Variants in KIF5A observed in about 807,000 individuals in gnomAD.
KIF5A encodes the protein kinesin heavy chain isoform 5A.
Under a neutral mutation model 141.3 loss-of-function variants are expected in KIF5A, and 35 were observed. The observed-to-expected ratio is 0.25, with a 90% CI of 0.19 to 0.33. The LOEUF (loss-of-function observed/expected upper bound fraction) is 0.33. Among genes scored for constraint, KIF5A ranks in the 10% least tolerant of loss-of-function variants. The probability of loss-of-function intolerance (pLI) is 1.00; values close to 1 mark genes in which losing one functional copy is unlikely to be tolerated. For missense variants in KIF5A, 861 were observed against 1,314.3 expected (o/e 0.66, Z 5.33); for synonymous variants, 448 against 500.2 (o/e 0.90, Z 1.39).
At chr12:57,560,700 TA>T (rs1881881554) in intron 1 of KIF5A, among the ~76,000 whole-genome samples, 1 of 152,164 alleles carries the variant, frequency 6.6e-6, no homozygotes, top group African/African-American at 2.4e-5. Context: ...TTTTTGTTAC[TA>T]ATTTATGAGA....
rs770467123 is a variant in KIF5A, at chr12:57,578,096, G to C, written c.2433+16G>C. 5.0e-6 allele frequency: 8 copies of C among 1,611,434 alleles called. No homozygotes were observed. In the African/African-American group the frequency reaches 1.1e-4, roughly 21 times the overall value. Reference sequence around the variant, plus strand: ...AGTCAAGAAAGTGAGTGCTGTCCTTGGGGTTTTGTCAGCCCCCACATCCTC... The same window carrying C: ...AGTCAAGAAAGTGAGTGCTGTCCTTCGGGTTTTGTCAGCCCCCACATCCTC... On this transcript the variant is annotated intron_variant, in intron 22 of 28. Coordinates refer to ENST00000455537, the MANE Select transcript of KIF5A (RefSeq NM_004984.4).
At chr12:57,582,271 C>T (rs1166091379) in intron 26 of KIF5A, among the ~76,000 whole-genome samples, 1 of 152,072 alleles carries the variant, frequency 6.6e-6, no homozygotes, top group Non-Finnish European at 1.5e-5. Context: ...ATAATAATAA[C>T]ACATATGAAG....
chr12:57,575,167 T>C lies in KIF5A; in HGVS notation c.1800T>C (p.Ser600=), dbSNP rs1334797851. The stretch of plus-strand genomic sequence containing the variant: ...GCAAAATCAAATCAGAAGTCAAGTC[T>C]GTGGTCAAGCGGTGCCGGCAGCTGG... ...YISKIKSEVK[S]VVKRCRQLEN... is the part of the protein sequence containing the mutation. Residue 600 remains serine, a synonymous_variant, in exon 16 of 29, where the codon TCT becomes TCC. Transcript: ENST00000455537. 1 of 1,614,072 alleles carries C rather than the reference T, an allele frequency of 6.2e-7. No homozygotes were observed. Among genetic ancestry groups the C allele is most frequent in the Admixed American group, 1.7e-5 (1 of 60,004 alleles).
At position 57,572,028 on chromosome 12, in the gene KIF5A, A is replaced by T; in HGVS notation, c.1363-33A>T. 6.3e-7 allele frequency: 1 copy of T among 1,583,980 alleles called. No homozygotes were observed. Among genetic ancestry groups the T allele is most frequent in the Non-Finnish European group, 8.7e-7 (1 of 1,155,922 alleles). On this transcript the variant is annotated intron_variant, in intron 13 of 28. Transcript: ENST00000455537. This position sits in a 1 kb window ranked among gnomAD's most constrained non-coding sequence, Gnocchi z 4.2. ...GCCATAGAAATGGTCACTGGCAGTG[A>T]TCTTTCCCACATGCCACTCCTCTCC...
intron 23 of KIF5A, 79 bp from the exon 24 acceptor site, chr12:57,580,877 T>C: frequency 7.7e-7 from 1 of 1,295,954 alleles, no homozygotes; most frequent in Non-Finnish European, 1.1e-6. Flanking sequence ...TCCTCACCCC[T>C]GTCCCCTACG....
intron 1 of KIF5A, among the ~76,000 whole-genome samples, chr12:57,558,614 C>T (rs1330690210): frequency 2.0e-5 from 3 of 152,192 alleles, no homozygotes; most frequent in African/African-American, 4.8e-5. Context: ...GCAGAGGTTG[C>T]GGTGAGCTGA....
chr12:57,570,959 AT>A (rs58715013), intron 12 of KIF5A, among the ~76,000 whole-genome samples: 10,455 of 129,266 alleles, frequency 0.081, 482 homozygotes, highest in Non-Finnish European at 0.12. Flanking sequence ...CGCCCAGCTA[AT>A]TTTTTTTTTT....
At chr12:57,567,454 G>T in intron 7 of KIF5A, 40 bp from the exon 8 acceptor site, 1 of 1,610,696 alleles carries the variant, frequency 6.2e-7, no homozygotes, top group Non-Finnish European at 8.5e-7. Context: ...CCTCAGTTCT[G>T]CAGGGTGGTG....
chr12:57,582,461 G>C, intron 26 of KIF5A, 141 bp from the exon 27 acceptor site: 1 of 757,454 alleles, frequency 1.3e-6, no homozygotes, highest in South Asian at 1.5e-5. Flanking sequence ...GATGTAGCTT[G>C]GGATAACTAA....
rs1174199852 is a variant in KIF5A at position 57,569,042 on chromosome 12, T to C, written c.794T>C (p.Val265Ala). ...AAGTCACTGTCAGCTCTGGGCAATG[T>C]GATCTCCGCACTGGCTGAGGGCACT... ...INKSLSALGN[V>A]ISALAEGTKS... is the part of the protein sequence containing the mutation. Residue 265 changes from valine to alanine, a missense_variant, in exon 9 of 29, where the codon GTG (valine) becomes GCG (alanine). Val to Ala is a moderately conservative substitution (Grantham distance 64). Transcript: ENST00000455537. 6.2e-7 allele frequency: 1 copy of C among 1,614,046 alleles called. No individual in the cohort carries two copies. Among genetic ancestry groups the C allele is most frequent in the Non-Finnish European group, 8.5e-7 (1 of 1,179,958 alleles).
chr12:57,578,162 G>A, intron 22 of KIF5A, 76 bp from the exon 23 acceptor site: 1 of 1,580,018 alleles, frequency 6.3e-7, no homozygotes, highest in East Asian at 2.2e-5. Flanking sequence ...TGCCCCTATG[G>A]GGCTGGCTTG....
In KIF5A at chr12:57,569,681, A is replaced by G; in HGVS notation, c.1115A>G (p.Asn372Ser). The change falls in exon 11 of 29, where the codon AAT becomes AGT. Residue 372 changes from asparagine (N) to serine (S), a missense_variant and splice_region_variant. Asn to Ser is a conservative substitution (Grantham distance 46). Around this residue, in one of 5 missense-constraint regions of KIF5A, gnomAD observed 167 missense variants for 192.0 expected, o/e 0.87. Transcript: ENST00000455537. ...KLEAELSRWR[N>S]GENVPETERL... ...GAGGCTGAGCTGAGCCGGTGGCGCA[A>G]TGGTTAGAGAGGGATAGGTGGGAGT... 4.3e-6 allele frequency: 7 copies of G among 1,613,540 alleles called. No individual in the cohort carries two copies. The highest frequency in any genetic ancestry group is 1.1e-5 in the South Asian group (1 of 91,068).
rs368957966 is a variant in KIF5A at position 57,556,144 on chromosome 12, C to CTT, written c.129+5755_129+5756dup. Among the ~76,000 whole-genome samples, 1,181 of 144,128 alleles carry CTT rather than the reference C, an allele frequency of 8.2e-3. 14 individuals carry two copies. Among genetic ancestry groups the CTT allele is most frequent in the African/African-American group, 0.024 (939 of 39,218 alleles). The allele number at this position is 144,128 out of a possible 152,430, so 94.6% of individuals were successfully genotyped here. On this transcript the variant is annotated intron_variant, in intron 1 of 28. Coordinates refer to ENST00000455537, the MANE Select transcript of KIF5A (RefSeq NM_004984.4). ...GCACCAATTTTTAGCTCTTGGGTAT[C>CTT]TTTTTTTTTTTTCAGACGGAGTCTC...
At chr12:57,564,570 T>G in intron 5 of KIF5A, 62 bp downstream of exon 5, 1 of 1,300,690 alleles carries the variant, frequency 7.7e-7, no homozygotes, top group Non-Finnish European at 1.1e-6. Context: ...AAAGCTCACA[T>G]TGCATTTGGA....
intron 26 of KIF5A, 56 bp downstream of exon 26, chr12:57,582,008 G>C (rs1210608116): frequency 5.7e-6 from 8 of 1,405,098 alleles, no homozygotes; most frequent in Admixed American, 1.7e-5. Flanking sequence ...AAGTTGAGAG[G>C]CATAAAAGTA....
intron 1 of KIF5A, among the ~76,000 whole-genome samples, chr12:57,556,997 C>G (rs752300569): frequency 1.3e-5 from 2 of 152,234 alleles, no homozygotes; most frequent in Middle Eastern, 6.8e-3. Context: ...TCAGTCCAGT[C>G]AAGTTGACAC....
chr12:57,576,896 C>G (rs779501645), intron 20 of KIF5A, 34 bp downstream of exon 20: 1 of 1,493,840 alleles, frequency 6.7e-7, no homozygotes, highest in East Asian at 2.3e-5. Flanking sequence ...AAAACTACAG[C>G]CTTGTAGGCT....
chr12:57,571,376 T>A lies in KIF5A; in HGVS notation c.1349T>A (p.Leu450Gln). Residue 450 changes from leucine (L) to glutamine (Q), a missense_variant, in exon 13 of 29, where the codon CTG (leucine) becomes CAG (glutamine). This residue lies in a region of KIF5A where 167 missense variants were observed against 192.0 expected (regional missense o/e 0.87). Transcript: ENST00000455537. Reference sequence around the variant, plus strand: ...ATAGAGAAGCTCAAGCAGCAAATGCTGGACCAGGAAGAGGTAATAGGAGGG... The same window carrying A: ...ATAGAGAAGCTCAAGCAGCAAATGCAGGACCAGGAAGAGGTAATAGGAGGG... ...QLIEKLKQQM[L>Q]DQEELLVSTR... The A allele has an allele frequency of 6.2e-7, 1 of 1,613,826 alleles. No individual in the cohort carries two copies. The highest frequency in any genetic ancestry group is 8.5e-7 in the Non-Finnish European group (1 of 1,179,884).
At chr12:57,582,113 A>G (rs1882624635) in intron 26 of KIF5A, among the ~76,000 whole-genome samples, 161 bp downstream of exon 26, 1 of 152,002 alleles carries the variant, frequency 6.6e-6, no homozygotes, top group South Asian at 2.1e-4. Flanking sequence ...GTGTGGTGGC[A>G]TGCACCTGTA....
Sources: gnomAD v4.1 joint callset for allele counts (sites outside exome capture counted in the v4.1 genomes callset) on GRCh38, gnomAD v4.1.1 for gene constraint, gnomAD v4.1.1 regional missense constraint, Gnocchi (gnomAD v3.1) non-coding constraint, MANE v1.5 for transcripts, NCBI Gene and HGNC (gene_info 2026-07-23, HGNC 2026-07-21) for gene names.